HSD17B4: variants seen among roughly 807,000 people sequenced by gnomAD.
The protein encoded by HSD17B4 is peroxisomal multifunctional enzyme type 2.
HSD17B4 carries 70 observed loss-of-function variants against 101.0 expected under a neutral mutation model. That is an observed-to-expected ratio of 0.69 (90% confidence interval 0.57 to 0.85). HSD17B4 has a LOEUF of 0.85. Ranked by LOEUF, HSD17B4 falls within the 40% of genes least tolerant of loss-of-function variation. The pLI, the probability that HSD17B4 is intolerant of heterozygous loss-of-function variation, is 0.00. For synonymous variants in HSD17B4, 347 were observed against 297.1 expected, an observed-to-expected ratio of 1.17 and a Z score of -1.73; for missense variants, 984 against 892.4, an observed-to-expected ratio of 1.10 and a Z score of -1.31.
chr5:119,532,409 A>G (rs1226255288), intron 22 of HSD17B4, among the ~76,000 whole-genome samples: 1 of 152,114 alleles, frequency 6.6e-6, no homozygotes, highest in Non-Finnish European at 1.5e-5. Context: ...GATTCTGTAT[A>G]TGTTGGAATG....
At chr5:119,513,851 A>G (rs1210161630) in intron 16 of HSD17B4, among the ~76,000 whole-genome samples, 1 of 152,212 alleles carries the variant, frequency 6.6e-6, no homozygotes, top group Non-Finnish European at 1.5e-5. Flanking sequence ...GGCACTGTCC[A>G]TCTTAAATGC....
intron 2 of HSD17B4, chr5:119,464,767 A>G (rs1049224606): frequency 1.3e-5 from 2 of 151,508 alleles, no homozygotes; most frequent in Non-Finnish European, 1.5e-5. Flanking sequence ...TAATTTTTAT[A>G]TATTTTTTAA....
At chr5:119,469,067 G>GT (rs571007500) in intron 2 of HSD17B4, among the ~76,000 whole-genome samples, 35 of 147,614 alleles carry the variant, frequency 2.4e-4, no homozygotes, top group African/African-American at 8.5e-4. Context: ...CTTAAGCTCT[G>GT]TTTTTTTTAA....
chr5:119,514,258 A>G (rs1394276183), intron 16 of HSD17B4, among the ~76,000 whole-genome samples: 1 of 152,176 alleles, frequency 6.6e-6, no homozygotes, highest in Non-Finnish European at 1.5e-5. Flanking sequence ...TTGGGAATAT[A>G]TCTAAGTGTG....
intron 15 of HSD17B4, among the ~76,000 whole-genome samples, chr5:119,508,071 A>G (rs1358862646): frequency 6.6e-6 from 1 of 151,972 alleles, no homozygotes; most frequent in East Asian, 1.9e-4. Flanking sequence ...GCTCTTAAAT[A>G]TTATGTATGT....
At chr5:119,514,315 A>T (rs2126832322) in intron 16 of HSD17B4, among the ~76,000 whole-genome samples, 1 of 152,304 alleles carries the variant, frequency 6.6e-6, no homozygotes, top group Admixed American at 6.5e-5. Context: ...CTCTGAAAGG[A>T]TAAAAGCTTA....
intron 2 of HSD17B4, among the ~76,000 whole-genome samples, chr5:119,467,395 T>C (rs1232398590): frequency 6.6e-6 from 1 of 152,254 alleles, no homozygotes; most frequent in Non-Finnish European, 1.5e-5. Flanking sequence ...GGTATTGAAG[T>C]TCCCAACTAT....
chr5:119,476,910 C>G (rs370318606), intron 6 of HSD17B4, among the ~76,000 whole-genome samples: 8 of 152,136 alleles, frequency 5.3e-5, no homozygotes, highest in Non-Finnish European at 1.2e-4. Context: ...CTAGAATTGT[C>G]TGTCTGAATG....
chr5:119,458,570 A>G (rs1418767063), intron 2 of HSD17B4, among the ~76,000 whole-genome samples: 1 of 150,348 alleles, frequency 6.7e-6, no homozygotes, highest in East Asian at 1.9e-4. Context: ...GCTGGTCTTG[A>G]ACTCCTGACC....
chr5:119,455,583 T>TATATAA (rs977188974), intron 1 of HSD17B4, among the ~76,000 whole-genome samples: 40 of 150,598 alleles, frequency 2.7e-4, no homozygotes, highest in African/African-American at 3.7e-4. Context: ...TATATATATA[T>TATATAA]AATTTCTTTT....
At chr5:119,533,793 A>G (rs543665765) in intron 22 of HSD17B4, among the ~76,000 whole-genome samples, 1 of 152,246 alleles carries the variant, frequency 6.6e-6, no homozygotes, top group South Asian at 2.1e-4. Context: ...ACCTTGCTTC[A>G]TGACATGCAG....
At chr5:119,484,609 A>G (rs1326317774) in intron 8 of HSD17B4, among the ~76,000 whole-genome samples, 1 of 152,208 alleles carries the variant, frequency 6.6e-6, no homozygotes, top group Non-Finnish European at 1.5e-5. Context: ...CTTTAAAAGT[A>G]GCTTCTGTGA....
intron 16 of HSD17B4, among the ~76,000 whole-genome samples, chr5:119,511,706 T>C (rs1055663301): frequency 6.6e-6 from 1 of 152,022 alleles, no homozygotes; most frequent in African/African-American, 2.4e-5. Flanking sequence ...CTGTACACTA[T>C]TGGGAGAATA....
intron 22 of HSD17B4, among the ~76,000 whole-genome samples, chr5:119,534,633 A>C (rs191212042): frequency 2.0e-5 from 3 of 152,214 alleles, no homozygotes; most frequent in African/African-American, 7.2e-5. Context: ...TTGGATATAA[A>C]CTAAATCTCA....
intron 1 of HSD17B4, among the ~76,000 whole-genome samples, chr5:119,456,048 G>T (rs1754605103): frequency 6.6e-6 from 1 of 152,150 alleles, no homozygotes; most frequent in Non-Finnish European, 1.5e-5. Context: ...ATCAGATGGT[G>T]GAACCCAATT....
At chr5:119,454,852 C>A (rs1561422031) in intron 1 of HSD17B4, among the ~76,000 whole-genome samples, 2 of 152,072 alleles carry the variant, frequency 1.3e-5, no homozygotes, top group Admixed American at 6.6e-5. Context: ...GAACTCCAGA[C>A]CTCAAATGAT....
chr5:119,458,182 A>G (rs1170591814), intron 2 of HSD17B4, among the ~76,000 whole-genome samples: 1 of 152,318 alleles, frequency 6.6e-6, no homozygotes, highest in East Asian at 1.9e-4. Flanking sequence ...TTGAATGAAG[A>G]GCCAGATTTA....
intron 8 of HSD17B4, 57 bp from the exon 9 acceptor site, chr5:119,489,135 A>T (rs919549261): frequency 3.4e-6 from 4 of 1,192,432 alleles, no homozygotes; most frequent in South Asian, 1.2e-5. Context: ...TTTTATAAGT[A>T]AGAAATTCTT....
At position 119,496,690 on chromosome 5, in the gene HSD17B4, TTTCCCTCCCTTC is replaced by T. The variant is rs200594336; in HGVS notation, c.972+55_972+66del. Reference sequence around the variant, plus strand: ...TAAAGCGTTTGCCTTCTCTGGAGACTTTCCCTCCCTTCTTCCCTCCCTGCTTTCTTCCTCCCC... The same window carrying T: ...TAAAGCGTTTGCCTTCTCTGGAGACTTTCCCTCCCTGCTTTCTTCCTCCCC... On this transcript the variant is annotated intron_variant, in intron 12 of 23. Transcript: ENST00000510025. 3.4e-3 allele frequency: 3,362 copies of T among 997,276 alleles called. 75 individuals carry two copies. The African/African-American group carries it at 0.047, about 14-fold the overall frequency. 61.8% of individuals were successfully genotyped at this position (997,276 alleles called of 1,614,324 possible).
Sources: allele counts gnomAD v4.1 joint callset (sites outside exome capture counted in the v4.1 genomes callset), GRCh38; gene constraint gnomAD v4.1.1; transcripts MANE v1.5; gene names NCBI Gene and HGNC (gene_info 2026-07-23, HGNC 2026-07-21).